Variants in PPM1E observed in about 807,000 individuals in gnomAD.
PPM1E encodes protein phosphatase, Mg2+/Mn2+ dependent 1E, also known as protein phosphatase 1E.
In PPM1E, 20 loss-of-function variants were observed where a neutral mutation model predicts 65.9. The observed-to-expected ratio is 0.30, with a 90% CI of 0.21 to 0.44. PPM1E has a LOEUF of 0.44. Among genes scored for constraint, PPM1E ranks in the 20% least tolerant of loss-of-function variants. PPM1E has a pLI of 1.00. For missense variants in PPM1E, 713 were observed against 953.1 expected, an observed-to-expected ratio of 0.75 and a Z score of 3.32; for synonymous variants, 352 against 374.9, an observed-to-expected ratio of 0.94 and a Z score of 0.70.
In PPM1E at chr17:58,882,509, G is replaced by T. The variant is rs145389482; in HGVS notation, c.465-73140G>T. Among the ~76,000 whole-genome samples, 72 of 152,094 alleles carry T rather than the reference G, an allele frequency of 4.7e-4. 1 individual carries two copies. Among genetic ancestry groups the T allele is most frequent in the African/African-American group, 1.5e-3 (61 of 41,496 alleles). On this transcript the variant is annotated intron_variant, in intron 1 of 6. Coordinates refer to ENST00000308249, the MANE Select transcript of PPM1E (RefSeq NM_014906.5). Reference sequence around the variant, plus strand: ...TGGTTCAAACGATTCTTCTGCCTCAGCCTCTCGAGTAGCTGGGATTACAAG... The same window carrying T: ...TGGTTCAAACGATTCTTCTGCCTCATCCTCTCGAGTAGCTGGGATTACAAG...
At chr17:58,865,792 T>G (rs1414108560) in intron 1 of PPM1E, among the ~76,000 whole-genome samples, 1 of 152,246 alleles carries the variant, frequency 6.6e-6, no homozygotes, top group African/African-American at 2.4e-5. Context: ...TTAGCTATTC[T>G]ATTGTGGTAA....
intron 1 of PPM1E, among the ~76,000 whole-genome samples, chr17:58,791,039 G>A (rs542264697): frequency 5.9e-5 from 9 of 151,964 alleles, no homozygotes; most frequent in South Asian, 2.1e-4. Context: ...ACAGGTGCCC[G>A]CCACCCTGCC....
intron 1 of PPM1E, among the ~76,000 whole-genome samples, chr17:58,825,132 C>T (rs918073446): frequency 6.6e-6 from 1 of 151,714 alleles, no homozygotes; most frequent in African/African-American, 2.4e-5. Context: ...AGAACTTACT[C>T]ATGTAACCAA....
intron 4 of PPM1E, among the ~76,000 whole-genome samples, chr17:58,971,286 T>C (rs1285653654): frequency 6.6e-6 from 1 of 152,102 alleles, no homozygotes; most frequent in Non-Finnish European, 1.5e-5. Flanking sequence ...AAACTTTCCC[T>C]ATATAGGGAA....
Position 58,860,932 on chromosome 17 carries a change from G to A in PPM1E, c.465-94717G>A, listed in dbSNP as rs1456530635. On this transcript the variant is annotated intron_variant, in intron 1 of 6. Transcript: ENST00000308249. ...AGCCTGGGCGACAGAGTGAGACTCCGTCTTAAAAAAAAAGAAAAAAAAAGC... is the reference window on the plus strand; with the variant it reads ...AGCCTGGGCGACAGAGTGAGACTCCATCTTAAAAAAAAAGAAAAAAAAAGC... Among the ~76,000 whole-genome samples the A allele has an allele frequency of 2.0e-5, 3 of 151,114 alleles. 1 individual carries two copies. The highest frequency in any genetic ancestry group is 4.2e-4 in the South Asian group (2 of 4,784).
chr17:58,781,083 G>C (rs2050044835), intron 1 of PPM1E, among the ~76,000 whole-genome samples: 1 of 151,568 alleles, frequency 6.6e-6, no homozygotes, highest in South Asian at 2.1e-4. Context: ...ATAAAAGATT[G>C]GTATAATGGT....
chr17:58,951,670 C>CT (rs1182427690), intron 1 of PPM1E, among the ~76,000 whole-genome samples: 2 of 120,308 alleles, frequency 1.7e-5, no homozygotes, highest in African/African-American at 7.0e-5. Flanking sequence ...GTGAGACTCT[C>CT]TTTAAAAAAA....
intron 1 of PPM1E, among the ~76,000 whole-genome samples, chr17:58,810,587 A>T (rs1052439779): frequency 1.3e-5 from 2 of 152,186 alleles, no homozygotes. Context: ...CCAAAAGTTC[A>T]AGTGCCGTCA....
intron 1 of PPM1E, among the ~76,000 whole-genome samples, chr17:58,916,061 A>T (rs1488542861): frequency 6.6e-6 from 1 of 152,094 alleles, no homozygotes; most frequent in Non-Finnish European, 1.5e-5. Context: ...CCCAGTCTAG[A>T]CTCAAACTCC....
intron 1 of PPM1E, among the ~76,000 whole-genome samples, chr17:58,891,386 A>G (rs1371981128): frequency 6.6e-6 from 1 of 151,878 alleles, no homozygotes; most frequent in African/African-American, 2.4e-5. Flanking sequence ...GCAGTGATGC[A>G]GTCTCGGCTC....
chr17:58,897,132 C>T (rs959741998), intron 1 of PPM1E, among the ~76,000 whole-genome samples: 2 of 152,178 alleles, frequency 1.3e-5, no homozygotes, highest in African/African-American at 2.4e-5. Flanking sequence ...ATGCTACTGC[C>T]GGCCGGGCGC....
At chr17:58,862,146 C>CAT (rs2050949365) in intron 1 of PPM1E, among the ~76,000 whole-genome samples, 1 of 152,150 alleles carries the variant, frequency 6.6e-6, no homozygotes, top group African/African-American at 2.4e-5. Flanking sequence ...GAGACAGTTT[C>CAT]ATAGGTCTGC....
intron 1 of PPM1E, chr17:58,785,578 G>A (rs1049832046): frequency 1.3e-5 from 2 of 148,970 alleles, no homozygotes; most frequent in East Asian, 2.0e-4. Context: ...CCAAAGTGCC[G>A]GGATTACAGG....
intron 1 of PPM1E, among the ~76,000 whole-genome samples, chr17:58,759,284 C>T (rs1409014011): frequency 6.6e-6 from 1 of 152,116 alleles, no homozygotes; most frequent in Non-Finnish European, 1.5e-5. Context: ...CGTTTTACTC[C>T]TTTCTCTAAG....
chr17:58,827,857 G>A (rs1156421256), intron 1 of PPM1E, among the ~76,000 whole-genome samples: 6 of 142,386 alleles, frequency 4.2e-5, no homozygotes, highest in East Asian at 2.1e-4. Flanking sequence ...AGCCAAGATC[G>A]TGCCAGTGCA....
chr17:58,856,732 T>C (rs1269105485), intron 1 of PPM1E, among the ~76,000 whole-genome samples: 1 of 152,174 alleles, frequency 6.6e-6, no homozygotes, highest in East Asian at 1.9e-4. Context: ...GGAAAAGATA[T>C]CCATTTATAA....
At chr17:58,779,504 C>G (rs1417932302) in intron 1 of PPM1E, among the ~76,000 whole-genome samples, 2 of 152,034 alleles carry the variant, frequency 1.3e-5, no homozygotes, top group Non-Finnish European at 2.9e-5. Flanking sequence ...GTATTTTATT[C>G]TTTAAAATAT....
At position 58,756,360 on chromosome 17, in the gene PPM1E, G is replaced by A. The variant is rs2049764189; in HGVS notation, c.363G>A (p.Leu121=). The change falls in exon 1 of 7, where the codon CTG becomes CTA. Residue 121 remains leucine (L), a synonymous_variant. Coordinates refer to ENST00000308249, the MANE Select transcript of PPM1E (RefSeq NM_014906.5). Reference sequence around the variant, plus strand: ...CCGTGCCGCCGCCGCCGCCCCAGCTGCCGCCTTTGCCCCCGCTCCCGCGAC... The same window carrying A: ...CCGTGCCGCCGCCGCCGCCCCAGCTACCGCCTTTGCCCCCGCTCCCGCGAC... ...HSAVPPPPPQ[L]PPLPPLPRPL... is the part of the protein sequence containing the mutation. 4 of 1,378,304 alleles carry A rather than the reference G, an allele frequency of 2.9e-6. No homozygotes were observed. The highest frequency in any genetic ancestry group is 3.0e-5 in the East Asian group (1 of 32,792). The allele number at this position is 1,378,304 out of a possible 1,614,324, so 85.4% of individuals were successfully genotyped here. A position where few individuals can be genotyped will look rare whatever the true frequency, so the allele number is the denominator to read the frequency against.
Position 58,799,286 on chromosome 17 carries a change from C to CT in PPM1E, c.464+42836dup, listed in dbSNP as rs879320587. Among the ~76,000 whole-genome samples, 585 of 146,302 alleles carry CT rather than the reference C, an allele frequency of 4.0e-3. 7 individuals are homozygous for CT. The highest frequency in any genetic ancestry group is 0.013 in the African/African-American group (532 of 40,082). ...TAATTAGTGTAATTTCACATTAAGT[C>CT]TTTTTTTTTTTGAGACAAGGTCTTG... On this transcript the variant is annotated intron_variant, in intron 1 of 6. Coordinates refer to ENST00000308249, the MANE Select transcript of PPM1E (RefSeq NM_014906.5).
Sources: allele counts gnomAD v4.1 joint callset (sites outside exome capture counted in the v4.1 genomes callset), GRCh38; gene constraint gnomAD v4.1.1; transcripts MANE v1.5; gene names NCBI Gene and HGNC (gene_info 2026-07-23, HGNC 2026-07-21).